The following TMEM131L variants were observed in gnomAD, a reference collection of about 807,000 sequenced individuals.
TMEM131L encodes transmembrane protein 131-like.
In TMEM131L, 54 loss-of-function variants were observed where a neutral mutation model predicts 192.2. The ratio of observed to expected loss-of-function variants is 0.28; its 90% CI spans 0.23 to 0.35. TMEM131L has a LOEUF of 0.35. Ranked by LOEUF, TMEM131L falls within the 10% of genes least tolerant of loss-of-function variation. The pLI, the probability that TMEM131L is intolerant of heterozygous loss-of-function variation, is 1.00. For synonymous variants in TMEM131L, 701 were observed against 704.9 expected, an observed-to-expected ratio of 0.99 and a Z score of 0.09; for missense variants, 1,888 against 1,972.9, an observed-to-expected ratio of 0.96 and a Z score of 0.82.
chr4:153,490,404 T>G (rs1447276680), intron 3 of TMEM131L, among the ~76,000 whole-genome samples: 1 of 152,160 alleles, frequency 6.6e-6, no homozygotes, highest in Non-Finnish European at 1.5e-5. Context: ...GAGAGTGAGA[T>G]GGAGAAGGCA....
intron 3 of TMEM131L, among the ~76,000 whole-genome samples, chr4:153,485,315 C>T (rs1732251784): frequency 6.6e-6 from 1 of 151,956 alleles, no homozygotes; most frequent in Non-Finnish European, 1.5e-5. Flanking sequence ...TTGTCCAGTC[C>T]CTATTGTTCT....
intron 31 of TMEM131L, among the ~76,000 whole-genome samples, chr4:153,628,475 C>G (rs967356510): frequency 6.6e-6 from 1 of 152,162 alleles, no homozygotes; most frequent in African/African-American, 2.4e-5. Context: ...CACATACTTG[C>G]TTTTGGTCAT....
intron 21 of TMEM131L, 35 bp downstream of exon 21, chr4:153,598,767 G>T: frequency 4.7e-6 from 7 of 1,503,318 alleles, no homozygotes; most frequent in Non-Finnish European, 6.3e-6. Context: ...GACAGGGGAG[G>T]TTGGCATTAA....
chr4:153,570,302 T>G lies in TMEM131L; in HGVS notation c.661-10524T>G, dbSNP rs146902219. Among the ~76,000 whole-genome samples the G allele has an allele frequency of 4.4e-3, 667 of 152,308 alleles. 7 individuals are homozygous for G. Among genetic ancestry groups the G allele is most frequent in the African/African-American group, 0.015 (606 of 41,568 alleles). On this transcript the variant is annotated intron_variant, in intron 7 of 34. Transcript: ENST00000409959. Reference sequence around the variant, plus strand: ...TAATTTTAAGCAGAATCGTCCCTAGTACTTCGATTTACCAAAGAGAGGGAA... The same window carrying G: ...TAATTTTAAGCAGAATCGTCCCTAGGACTTCGATTTACCAAAGAGAGGGAA...
At chr4:153,573,708 G>C (rs1236016237) in intron 7 of TMEM131L, among the ~76,000 whole-genome samples, 1 of 152,162 alleles carries the variant, frequency 6.6e-6, no homozygotes, top group African/African-American at 2.4e-5. Context: ...GTGGGAGGTA[G>C]TGTCCAGTAA....
At chr4:153,604,648 AAG>A (rs1313681445) in intron 25 of TMEM131L, among the ~76,000 whole-genome samples, 2 of 152,198 alleles carry the variant, frequency 1.3e-5, no homozygotes, top group Non-Finnish European at 2.9e-5. Context: ...ATAAGTTTAG[AAG>A]ACTATGAATA....
intron 3 of TMEM131L, among the ~76,000 whole-genome samples, chr4:153,520,325 G>A (rs976915245): frequency 1.3e-5 from 2 of 152,016 alleles, no homozygotes; most frequent in African/African-American, 4.8e-5. Context: ...AAAAAAATTA[G>A]CTGGGTGTAG....
intron 3 of TMEM131L, among the ~76,000 whole-genome samples, chr4:153,488,864 T>G (rs988422264): frequency 6.6e-6 from 1 of 152,134 alleles, no homozygotes; most frequent in African/African-American, 2.4e-5. Context: ...CGGCAGCCTG[T>G]GGGGTTTCTT....
chr4:153,494,032 T>C (rs13119846), intron 3 of TMEM131L, among the ~76,000 whole-genome samples: 68,698 of 151,722 alleles, frequency 0.45, 15,674 homozygotes, highest in South Asian at 0.58. Context: ...AGAATTGTTG[T>C]GGGTAAGGAC....
intron 31 of TMEM131L, among the ~76,000 whole-genome samples, chr4:153,630,281 C>T (rs755105122): frequency 1.3e-5 from 2 of 152,134 alleles, no homozygotes; most frequent in African/African-American, 2.4e-5. Flanking sequence ...TTATTAACAG[C>T]GGCTGTCCAC....
chr4:153,467,471 A>T (rs1175148235), intron 2 of TMEM131L, among the ~76,000 whole-genome samples, 190 bp downstream of exon 2: 1 of 152,232 alleles, frequency 6.6e-6, no homozygotes, highest in Non-Finnish European at 1.5e-5. Context: ...ACGCCATGTG[A>T]CAGGGCCTGA....
intron 4 of TMEM131L, among the ~76,000 whole-genome samples, chr4:153,553,615 T>A (rs75633623): frequency 0.013 from 1,923 of 152,316 alleles, 41 homozygotes; most frequent in East Asian, 0.084. Flanking sequence ...GCTGTCCCAG[T>A]TCAGCTTTTG....
chr4:153,574,843 C>T (rs1729828551), intron 7 of TMEM131L, among the ~76,000 whole-genome samples: 1 of 152,170 alleles, frequency 6.6e-6, no homozygotes, highest in Non-Finnish European at 1.5e-5. Context: ...CCTCCTTGGC[C>T]TCCCAAAGTG....
intron 32 of TMEM131L, 110 bp from the exon 33 acceptor site, chr4:153,634,082 T>C (rs1030425586): frequency 7.9e-6 from 7 of 888,094 alleles, no homozygotes; most frequent in Middle Eastern, 2.4e-4. Flanking sequence ...TTTTCCAAAA[T>C]TGGGGAATTC....
In TMEM131L at chr4:153,596,167, A is replaced by T. The variant is rs1435228142; in HGVS notation, c.1996-91A>T. On this transcript the variant is annotated intron_variant, in intron 19 of 34. Transcript: ENST00000409959. ...GGATCAAATCTGGACATTAAAAGAG[A>T]AGCAATCGTGTTTAAACTCTAGGAT... 4.9e-6 allele frequency: 7 copies of T among 1,436,636 alleles called. No homozygotes were observed. In the African/African-American group the frequency reaches 8.5e-5, roughly 17 times the overall value. The allele number at this position is 1,436,636 out of a possible 1,614,324, so 89.0% of individuals were successfully genotyped here.
At chr4:153,587,891 A>G (rs1043384584) in intron 15 of TMEM131L, 80 bp downstream of exon 15, 18 of 974,886 alleles carry the variant, frequency 1.8e-5, no homozygotes, top group East Asian at 7.2e-5. Context: ...GCATTTGTCA[A>G]TGGAATAATT....
At chr4:153,512,183 A>G (rs1364215494) in intron 3 of TMEM131L, among the ~76,000 whole-genome samples, 2 of 152,224 alleles carry the variant, frequency 1.3e-5, no homozygotes, top group Non-Finnish European at 2.9e-5. Context: ...CGTTTAAGAG[A>G]TGTAATGGTT....
In TMEM131L at chr4:153,552,882, T is replaced by C. The variant is rs1214447622; in HGVS notation, c.308+2741T>C. On this transcript the variant is annotated intron_variant, in intron 4 of 34. Transcript: ENST00000409959. ...TCTAGTTTACTTATAATGACTAATA[T>C]AGTGTAAATACTATGTAAATAGTTA... Among the ~76,000 whole-genome samples the C allele has an allele frequency of 4.6e-5, 7 of 151,914 alleles. No individual in the cohort carries two copies. In the East Asian group the frequency reaches 1.3e-3, roughly 29 times the overall value.
intron 9 of TMEM131L, among the ~76,000 whole-genome samples, chr4:153,581,901 C>G (rs753373851): frequency 6.6e-6 from 1 of 152,136 alleles, no homozygotes; most frequent in African/African-American, 2.4e-5. Context: ...AATGATTTGC[C>G]TAAGCTCATT....
Sources: gnomAD v4.1 joint callset for allele counts (sites outside exome capture counted in the v4.1 genomes callset) on GRCh38, gnomAD v4.1.1 for gene constraint, MANE v1.5 for transcripts, NCBI Gene and HGNC (gene_info 2026-07-23, HGNC 2026-07-21) for gene names.